Variants in RRBP1 observed in about 807,000 individuals in gnomAD.
RRBP1 encodes ribosome-binding protein 1.
Under a neutral mutation model 165.2 loss-of-function variants are expected in RRBP1, and 94 were observed. The observed-to-expected ratio is 0.57, with a 90% confidence interval of 0.48 to 0.68. The LOEUF (loss-of-function observed/expected upper bound fraction) is 0.68. Among genes scored for constraint, RRBP1 ranks in the 30% least tolerant of loss-of-function variants. RRBP1 has a pLI of 0.00. For missense variants in RRBP1, 1,676 were observed against 1,763.0 expected (o/e 0.95, Z 0.88); for synonymous variants, 680 against 714.5 (o/e 0.95, Z 0.77).
At chr20:17,625,444 A>G (rs956601712) in intron 12 of RRBP1, 68 bp downstream of exon 12, 8 of 1,408,420 alleles carry the variant, frequency 5.7e-6, no homozygotes, top group Non-Finnish European at 8.0e-6. Context: ...GCCACATAGC[A>G]GAACCTTTCC....
intron 9 of RRBP1, 127 bp downstream of exon 9, chr20:17,629,696 A>C: frequency 1.0e-6 from 1 of 979,644 alleles, no homozygotes; most frequent in African/African-American, 1.6e-5. Context: ...GGGGCAGTCA[A>C]GGGATCCGTG....
intron 3 of RRBP1, among the ~76,000 whole-genome samples, chr20:17,648,244 C>T (rs761507586): frequency 2.0e-5 from 3 of 152,226 alleles, no homozygotes; most frequent in Non-Finnish European, 4.4e-5. Flanking sequence ...GGACTGTGGC[C>T]GTGAAGGCTC....
At chr20:17,627,438 G>A in intron 10 of RRBP1, 56 bp from the exon 11 acceptor site, 1 of 1,611,390 alleles carries the variant, frequency 6.2e-7, no homozygotes, top group South Asian at 1.1e-5. Flanking sequence ...CACGCAGCGG[G>A]GCTAGTCCAC....
Position 17,615,463 on chromosome 20 carries a change from ACT to A in RRBP1, c.4016_4017del (p.Glu1339ValfsTer23). The A allele has an allele frequency of 6.2e-7, 1 of 1,606,532 alleles. No homozygotes were observed. The highest frequency in any genetic ancestry group is 8.5e-7 in the Non-Finnish European group (1 of 1,177,046). ...LEKLRTAGPL[E>X]SSETEEASQL... is the part of the protein sequence containing the mutation. ...TGTGAGGCCTCCTCTGTTTCTGAAG[ACT>A]CTAGGGGGCCGGCTGTGCGGAGCTT... is the stretch of plus-strand genomic sequence containing the variant. On this transcript the variant is annotated frameshift_variant, in exon 23 of 25. Coordinates refer to ENST00000377813, the MANE Select transcript of RRBP1 (RefSeq NM_001365613.2). LOFTEE classifies it high-confidence loss of function.
Position 17,659,960 on chromosome 20 carries a change from G to A in RRBP1, c.548C>T (p.Pro183Leu), listed in dbSNP as rs747827302. Residue 183 changes from proline to leucine, a missense_variant, in exon 3 of 25, where the codon CCC becomes CTC. Coordinates refer to ENST00000377813, the MANE Select transcript of RRBP1 (RefSeq NM_001365613.2). ...APKEVPMVVV[P>L]PVGAKGNTPA... Reference sequence around the variant, plus strand: ...TGTGTTGCCCTTGGCACCCACTGGGGGCACCACCACCATCGGCACCTCCTT... The same window carrying A: ...TGTGTTGCCCTTGGCACCCACTGGGAGCACCACCACCATCGGCACCTCCTT... 2 of 1,602,034 alleles carry A rather than the reference G, an allele frequency of 1.2e-6. No homozygotes were observed. Among genetic ancestry groups the A allele is most frequent in the Non-Finnish European group, 1.7e-6 (2 of 1,173,862 alleles).
chr20:17,637,481 T>TG (rs2036269310), intron 5 of RRBP1, among the ~76,000 whole-genome samples: 7 of 152,110 alleles, frequency 4.6e-5, no homozygotes, highest in African/African-American at 1.7e-4. Flanking sequence ...CTAGCAGGCC[T>TG]GGACAGACCA....
intron 2 of RRBP1, among the ~76,000 whole-genome samples, chr20:17,678,185 TCTC>T (rs2037117051): frequency 6.6e-6 from 1 of 152,122 alleles, no homozygotes; most frequent in South Asian, 2.1e-4. Flanking sequence ...CTAAGAAAAG[TCTC>T]CTAGGAGGCC....
rs761250737 is a variant in RRBP1 at position 17,624,711 on chromosome 20, G to A, written c.3055-43C>T. ...GAAAGGTCAGCAGCCTGCACTGGCA[G>A]CACGGGCTGCCTAAGCTGGTGTCAG... On this transcript the variant is annotated intron_variant, in intron 12 of 24. Coordinates refer to ENST00000377813, the MANE Select transcript of RRBP1 (RefSeq NM_001365613.2). 8 of 1,400,338 alleles carry A rather than the reference G, an allele frequency of 5.7e-6. No individual in the cohort carries two copies. The South Asian group carries it at 8.6e-5, about 15-fold the overall frequency. 86.7% of individuals were successfully genotyped at this position (1,400,338 alleles called of 1,614,324 possible).
At chr20:17,615,371 A>G in intron 23 of RRBP1, 60 bp downstream of exon 23, 1 of 1,369,914 alleles carries the variant, frequency 7.3e-7, no homozygotes. Context: ...CGAGGCCAAG[A>G]GTGGCGCCAG....
intron 2 of RRBP1, among the ~76,000 whole-genome samples, chr20:17,666,924 G>A: frequency 6.6e-6 from 1 of 152,162 alleles, no homozygotes; most frequent in South Asian, 2.1e-4. Context: ...GTAATGCACA[G>A]TCTAATAATG....
chr20:17,670,399 C>CTT (rs201580103), intron 2 of RRBP1, among the ~76,000 whole-genome samples: 5 of 133,758 alleles, frequency 3.7e-5, no homozygotes, highest in East Asian at 2.2e-4. Context: ...GTGTAGGATT[C>CTT]TTTTTTTTTT....
At position 17,658,906 on chromosome 20, in the gene RRBP1, G is replaced by A. The variant is rs776988134; in HGVS notation, c.1602C>T (p.Pro534=). 5.6e-6 allele frequency: 9 copies of A among 1,613,152 alleles called. No homozygotes were observed. The highest frequency in any genetic ancestry group is 6.8e-6 in the Non-Finnish European group (8 of 1,179,846). The part of the protein sequence containing the change: ...GAQGKKAERS[P]NQGKKGEGAP... ...CTCCCTCTCCTTTTTTGCCTTGGTT[G>A]GGACTCCTTTCTGCCTTTTTGCCCT... Residue 534 remains proline, a synonymous_variant, in exon 3 of 25, where the codon CCC becomes CCT. Coordinates refer to ENST00000377813, the MANE Select transcript of RRBP1 (RefSeq NM_001365613.2).
chr20:17,671,371 A>C (rs4814634), intron 2 of RRBP1, among the ~76,000 whole-genome samples: 151,541 of 152,302 alleles, frequency 1, 75,395 homozygotes, highest in Middle Eastern at 1. Context: ...GATAATTACA[A>C]CTGGGGATTT....
chr20:17,651,398 G>T (rs1023810548), intron 3 of RRBP1, among the ~76,000 whole-genome samples: 2 of 152,176 alleles, frequency 1.3e-5, no homozygotes, highest in Non-Finnish European at 2.9e-5. Context: ...ACTTTATTTT[G>T]TAGAGACACA....
At chr20:17,666,530 T>A (rs2036872772) in intron 2 of RRBP1, among the ~76,000 whole-genome samples, 1 of 152,222 alleles carries the variant, frequency 6.6e-6, no homozygotes, top group African/African-American at 2.4e-5. Context: ...CTATCATCTA[T>A]GTTCTTGTCA....
intron 2 of RRBP1, among the ~76,000 whole-genome samples, chr20:17,663,336 G>A (rs553202993): frequency 6.6e-6 from 1 of 152,310 alleles, no homozygotes; most frequent in South Asian, 2.1e-4. Flanking sequence ...GGCAAACACA[G>A]AATACAAAAA....
At chr20:17,615,634 A>G in intron 22 of RRBP1, 105 bp from the exon 23 acceptor site, 1 of 785,878 alleles carries the variant, frequency 1.3e-6, no homozygotes, top group Non-Finnish European at 2.0e-6. Flanking sequence ...CCCCAGCCTG[A>G]TGGAGCAACA....
At chr20:17,681,567 C>A (rs1420151821) in intron 1 of RRBP1, among the ~76,000 whole-genome samples, 1 of 149,628 alleles carries the variant, frequency 6.7e-6, no homozygotes, top group African/African-American at 2.4e-5. Flanking sequence ...CCCTCCGGCC[C>A]GGACTCCAGC....
intron 5 of RRBP1, among the ~76,000 whole-genome samples, 193 bp from the exon 6 acceptor site, chr20:17,636,922 C>A (rs2036259637): frequency 6.6e-6 from 1 of 152,240 alleles, no homozygotes; most frequent in South Asian, 2.1e-4. Context: ...TCCCTGGAAA[C>A]CCTGCTGGCC....
Sources: allele counts gnomAD v4.1 joint callset (sites outside exome capture counted in the v4.1 genomes callset), GRCh38; gene constraint gnomAD v4.1.1; transcripts MANE v1.5; gene names NCBI Gene and HGNC (gene_info 2026-07-23, HGNC 2026-07-21).